The following CNGA3 variants were observed in gnomAD, a reference collection of about 807,000 sequenced individuals.
The protein encoded by CNGA3 is cyclic nucleotide gated channel subunit alpha 3.
In CNGA3, 42 loss-of-function variants were observed where a neutral mutation model predicts 46.6. The observed-to-expected ratio is 0.90, with a 90% confidence interval of 0.70 to 1.17. The LOEUF is 1.17. Ranked by LOEUF, CNGA3 falls within the 50% of genes most tolerant of loss-of-function variation. The pLI is 0.00. For missense variants in CNGA3, 893 were observed against 890.7 expected (o/e 1.00, Z -0.03); for synonymous variants, 394 against 369.4 (o/e 1.07, Z -0.76).
At chr2:98,361,909 G>A (rs896316191) in intron 1 of CNGA3, among the ~76,000 whole-genome samples, 4 of 151,626 alleles carry the variant, frequency 2.6e-5, no homozygotes, top group East Asian at 1.9e-4. Context: ...GGGTTTCACC[G>A]TGTTAGCCAG....
rs781205523 is a variant in CNGA3 at position 98,370,077 on chromosome 2, G to GT, written c.101+2dup. ...ATCGCGCTGAAAATGGCCTCAGCAG[G>GT]TAAGATGGGCTAAGATGGGCTTTTC... On this transcript the variant is annotated splice_donor_variant, in intron 2 of 7. Transcript: ENST00000272602. LOFTEE classifies it high-confidence loss of function. 3.7e-5 allele frequency: 59 copies of GT among 1,608,538 alleles called. No homozygotes were observed. The highest frequency in any genetic ancestry group is 4.5e-5 in the Non-Finnish European group (53 of 1,175,416).
chr2:98,367,167 G>GTTTATTTTTT (rs751611132), intron 1 of CNGA3, among the ~76,000 whole-genome samples: 2 of 101,588 alleles, frequency 2.0e-5, no homozygotes, highest in Non-Finnish European at 4.4e-5. Flanking sequence ...GACATCAGCT[G>GTTTATTTTTT]TTTTTTTTCT....
At chr2:98,372,743 T>G (rs1692315451) in intron 2 of CNGA3, among the ~76,000 whole-genome samples, 1 of 152,126 alleles carries the variant, frequency 6.6e-6, no homozygotes, top group Non-Finnish European at 1.5e-5. Flanking sequence ...TGTGGTTAAG[T>G]GCTCAATTGA....
chr2:98,347,856 C>A (rs1162218700), intron 1 of CNGA3, among the ~76,000 whole-genome samples: 1 of 152,236 alleles, frequency 6.6e-6, no homozygotes, highest in Non-Finnish European at 1.5e-5. Context: ...CCCCTCCCCC[C>A]AACACATACA....
intron 1 of CNGA3, among the ~76,000 whole-genome samples, chr2:98,349,457 C>T (rs1049801734): frequency 4.6e-5 from 7 of 152,166 alleles, no homozygotes; most frequent in African/African-American, 1.4e-4. Flanking sequence ...ATTAGAACTA[C>T]CTTTCATAAA....
At chr2:98,376,794 G>C (rs1252319136) in intron 2 of CNGA3, among the ~76,000 whole-genome samples, 5 of 152,352 alleles carry the variant, frequency 3.3e-5, no homozygotes, top group African/African-American at 1.2e-4. Context: ...ATCCCTAGAG[G>C]CTAATGCCTG....
chr2:98,370,662 C>CA (rs1692264740), intron 2 of CNGA3, among the ~76,000 whole-genome samples: 1 of 152,226 alleles, frequency 6.6e-6, no homozygotes, highest in Non-Finnish European at 1.5e-5. Flanking sequence ...TTCTAACCCT[C>CA]TTCCTAACTT....
In CNGA3 at chr2:98,397,189, G is replaced by T. The variant is rs763564632; in HGVS notation, c.2019G>T (p.Gly673=). The T allele has an allele frequency of 4.3e-6, 7 of 1,614,010 alleles. No individual in the cohort carries two copies. In the Admixed American group the frequency reaches 6.7e-5, roughly 15 times the overall value. Residue 673 remains glycine (G), a synonymous_variant, in exon 8 of 8, where the codon GGG becomes GGT. Coordinates refer to ENST00000272602, the MANE Select transcript of CNGA3 (RefSeq NM_001298.3). ...TGGAAAGCCAGGTGAAGGGTGGTGGGGACAAGCCCCTGGCTGATGGGGAAG... is the reference window on the plus strand; with the variant it reads ...TGGAAAGCCAGGTGAAGGGTGGTGGTGACAAGCCCCTGGCTGATGGGGAAG... The part of the protein sequence containing the change: ...SQLESQVKGG[G]DKPLADGEVP...
At chr2:98,383,791 T>G (rs890864300) in intron 5 of CNGA3, among the ~76,000 whole-genome samples, 13 of 152,178 alleles carry the variant, frequency 8.5e-5, no homozygotes, top group Non-Finnish European at 1.5e-4. Context: ...GCACTGGAGA[T>G]TCTCCTTAAT....
intron 7 of CNGA3, 54 bp downstream of exon 7, chr2:98,392,024 G>A (rs1284640602): frequency 1.7e-5 from 25 of 1,498,880 alleles, no homozygotes; most frequent in Middle Eastern, 4.0e-4. Flanking sequence ...GGAGTGTTCC[G>A]GGAGACCCAG....
chr2:98,363,991 A>G (rs1692090645), intron 1 of CNGA3, among the ~76,000 whole-genome samples: 1 of 152,196 alleles, frequency 6.6e-6, no homozygotes, highest in Non-Finnish European at 1.5e-5. Flanking sequence ...TTGGGTGCAT[A>G]TATATTTAAA....
At chr2:98,368,026 C>A (rs190398521) in intron 1 of CNGA3, among the ~76,000 whole-genome samples, 64 of 152,356 alleles carry the variant, frequency 4.2e-4, no homozygotes, top group African/African-American at 1.3e-3. Context: ...CGTTTTATTT[C>A]TCTTTATAGC....
Position 98,379,323 on chromosome 2 carries a change from G to A in CNGA3, c.216-852G>A, listed in dbSNP as rs560885499. 4.5e-4 allele frequency among the ~76,000 whole-genome samples: 69 copies of A among 152,346 alleles called. 1 individual carries two copies. Among genetic ancestry groups the A allele is most frequent in the Admixed American group, 6.5e-4 (10 of 15,304 alleles). ...GGTTGTTCAGTACTGACTCTGGCTC[G>A]GGACACCCCGTCCAGGGGAGGGCAC... On this transcript the variant is annotated intron_variant, in intron 3 of 7. Transcript: ENST00000272602.
In CNGA3 at chr2:98,377,813, C is replaced by A. The variant is rs1692443541; in HGVS notation, c.215+13C>A. 1.2e-6 allele frequency: 2 copies of A among 1,603,804 alleles called. No individual in the cohort carries two copies. Among genetic ancestry groups the A allele is most frequent in the South Asian group, 2.2e-5 (2 of 89,328 alleles). On this transcript the variant is annotated intron_variant, in intron 3 of 7. Transcript: ENST00000272602. ...AGGGGATCGCCAGGTAACTGACCAG[C>A]CTCAGTCCCTACCTTGGCCTGGGGG...
intron 4 of CNGA3, among the ~76,000 whole-genome samples, chr2:98,380,939 G>A (rs1055617189): frequency 6.6e-6 from 1 of 152,122 alleles, no homozygotes; most frequent in African/African-American, 2.4e-5. Flanking sequence ...GAGCGAGGTG[G>A]GGAGAGTGCT....
At chr2:98,377,287 A>T (rs1007724897) in intron 2 of CNGA3, 1 of 212,422 alleles carries the variant, frequency 4.7e-6, no homozygotes, top group Admixed American at 5.1e-5. Flanking sequence ...ATCTAGCCTC[A>T]GAAGATGAAA....
chr2:98,376,349 G>A (rs1371812339), intron 2 of CNGA3, among the ~76,000 whole-genome samples: 1 of 152,140 alleles, frequency 6.6e-6, no homozygotes, highest in Non-Finnish European at 1.5e-5. Context: ...AGGAATTGCT[G>A]GGTGAGCTGG....
chr2:98,381,697 G>A (rs758396720), intron 4 of CNGA3, among the ~76,000 whole-genome samples: 5 of 152,144 alleles, frequency 3.3e-5, no homozygotes, highest in Non-Finnish European at 7.4e-5. Context: ...GTTTTCACAC[G>A]AGCTTGGACT....
chr2:98,378,264 G>C (rs1692457881), intron 3 of CNGA3: 1 of 1,522,036 alleles, frequency 6.6e-7, no homozygotes, highest in Non-Finnish European at 8.8e-7. Flanking sequence ...AGATTAGTGA[G>C]ACTCCAAGCT....
Sources: allele counts gnomAD v4.1 joint callset (sites outside exome capture counted in the v4.1 genomes callset), GRCh38; gene constraint gnomAD v4.1.1; transcripts MANE v1.5; gene names NCBI Gene and HGNC (gene_info 2026-07-23, HGNC 2026-07-21).